GABRG3: variants seen among roughly 807,000 people sequenced by gnomAD.
GABRG3 encodes the protein gamma-aminobutyric acid type A receptor subunit gamma3.
A neutral mutation model predicts 48.8 loss-of-function variants in GABRG3; 25 were observed. That is an observed-to-expected ratio of 0.51 (90% confidence interval 0.37 to 0.72). The LOEUF is 0.72. Ranked by LOEUF, GABRG3 falls within the 30% of genes least tolerant of loss-of-function variation. The pLI, the probability that GABRG3 is intolerant of heterozygous loss-of-function variation, is 0.00. For missense variants in GABRG3, 394 were observed against 577.9 expected (o/e 0.68, Z 3.26); for synonymous variants, 227 against 217.6 (o/e 1.04, Z -0.38).
chr15:27,300,144 CAGTT>C (rs1278627137), intron 3 of GABRG3, among the ~76,000 whole-genome samples: 1 of 152,106 alleles, frequency 6.6e-6, no homozygotes, highest in Middle Eastern at 3.2e-3. Context: ...TGAACCAGAT[CAGTT>C]AGTTGTTGGC....
intron 5 of GABRG3, among the ~76,000 whole-genome samples, chr15:27,465,579 C>T (rs937368842): frequency 6.6e-6 from 1 of 152,150 alleles, no homozygotes; most frequent in African/African-American, 2.4e-5. Context: ...CAGATGATTT[C>T]GTGACCATAG....
intron 3 of GABRG3, among the ~76,000 whole-genome samples, chr15:27,222,016 A>G (rs28655747): frequency 0.17 from 25,183 of 152,112 alleles, 2,714 homozygotes; most frequent in East Asian, 0.41. Context: ...AATCTTTAAT[A>G]TATTCTTTCT....
intron 3 of GABRG3, among the ~76,000 whole-genome samples, chr15:27,079,953 A>G (rs139455577): frequency 1.2e-4 from 18 of 152,284 alleles, no homozygotes; most frequent in Non-Finnish European, 2.5e-4. Context: ...CTCACTCAGT[A>G]TGCAGAGGTG....
Position 27,374,640 on chromosome 15 carries a change from G to A in GABRG3, c.574+45752G>A, listed in dbSNP as rs142076076. Among the ~76,000 whole-genome samples, 819 of 152,264 alleles carry A rather than the reference G, an allele frequency of 5.4e-3. 8 individuals are homozygous for A. Among genetic ancestry groups the A allele is most frequent in the African/African-American group, 0.019 (769 of 41,530 alleles). On this transcript the variant is annotated intron_variant, in intron 5 of 9. Coordinates refer to ENST00000615808, the MANE Select transcript of GABRG3 (RefSeq NM_033223.5). The stretch of plus-strand genomic sequence containing the variant: ...CCGAGTCTGACTAGTGTATCTGGGA[G>A]GTGACCAAGGAAGCAAAGGTAGACA...
intron 3 of GABRG3, among the ~76,000 whole-genome samples, chr15:27,239,865 G>C (rs1890083345): frequency 6.6e-6 from 1 of 152,178 alleles, no homozygotes; most frequent in African/African-American, 2.4e-5. Flanking sequence ...TTTCACAGCA[G>C]TTATCTAAGA....
chr15:27,326,355 C>G (rs1289103263), intron 3 of GABRG3, among the ~76,000 whole-genome samples: 1 of 152,212 alleles, frequency 6.6e-6, no homozygotes, highest in African/African-American at 2.4e-5. Flanking sequence ...ATCACTTACT[C>G]TCTGCCAGGC....
chr15:27,453,881 C>T (rs898487927), intron 5 of GABRG3, among the ~76,000 whole-genome samples: 1 of 152,242 alleles, frequency 6.6e-6, no homozygotes, highest in African/African-American at 2.4e-5. Context: ...GTATCACAGG[C>T]ATGAGCCACC....
rs566988650 is a variant in GABRG3 at position 27,180,385 on chromosome 15, T to C, written c.271-146424T>C. Among the ~76,000 whole-genome samples, 2 of 152,288 alleles carry C rather than the reference T, an allele frequency of 1.3e-5. No homozygotes were observed. The highest frequency in any genetic ancestry group is 4.1e-4 in the South Asian group (2 of 4,832). ...AGAATTCTTCAGGTTATGACTGCCA[T>C]GTGCTTTGAGGCAGTGCATTTGCAT... On this transcript the variant is annotated intron_variant, in intron 3 of 9. Transcript: ENST00000615808. This position sits in a 1 kb window ranked among gnomAD's most constrained non-coding sequence, Gnocchi z 4.2.
chr15:27,283,355 G>A (rs1172892926), intron 3 of GABRG3, among the ~76,000 whole-genome samples: 1 of 152,186 alleles, frequency 6.6e-6, no homozygotes, highest in Admixed American at 6.5e-5. Context: ...TGTAATCCCA[G>A]CACTTTGGGA....
chr15:27,257,814 A>T (rs1346745912), intron 3 of GABRG3, among the ~76,000 whole-genome samples: 16 of 142,876 alleles, frequency 1.1e-4, no homozygotes, highest in African/African-American at 3.5e-4. Flanking sequence ...ACACGTGGCT[A>T]TTTTTTTTTT....
chr15:27,256,760 A>T (rs1393558703), intron 3 of GABRG3, among the ~76,000 whole-genome samples: 1 of 152,194 alleles, frequency 6.6e-6, no homozygotes, highest in Non-Finnish European at 1.5e-5. Flanking sequence ...ATGCACAGGA[A>T]TGGGTAAAGA....
At chr15:27,339,684 T>C (rs1360958059) in intron 5 of GABRG3, among the ~76,000 whole-genome samples, 1 of 152,192 alleles carries the variant, frequency 6.6e-6, no homozygotes, top group Non-Finnish European at 1.5e-5. Context: ...GGCAAACCAC[T>C]GTACAGGTAC....
At chr15:27,325,802 C>G (rs1893593893) in intron 3 of GABRG3, among the ~76,000 whole-genome samples, 1 of 152,102 alleles carries the variant, frequency 6.6e-6, no homozygotes, top group Non-Finnish European at 1.5e-5. Flanking sequence ...ATTGAATTAC[C>G]TATCACAGAA....
chr15:27,101,662 G>C (rs1897359439), intron 3 of GABRG3, among the ~76,000 whole-genome samples: 2 of 151,990 alleles, frequency 1.3e-5, no homozygotes, highest in African/African-American at 4.8e-5. Context: ...AAAAGTGCAA[G>C]AGCAATTCAA....
chr15:27,248,050 T>C (rs1890322642), intron 3 of GABRG3, among the ~76,000 whole-genome samples: 1 of 152,170 alleles, frequency 6.6e-6, no homozygotes, highest in African/African-American at 2.4e-5. Flanking sequence ...CCACTGTCAC[T>C]GTCTGTGTTT....
chr15:27,072,994 C>CAACA (rs773250884), intron 3 of GABRG3, among the ~76,000 whole-genome samples: 9 of 152,184 alleles, frequency 5.9e-5, no homozygotes, highest in Non-Finnish European at 1.0e-4. Flanking sequence ...ACCAAACTAG[C>CAACA]AACAAACAAA....
rs189555952 is a variant in GABRG3, at chr15:27,393,705, G to A, written c.574+64817G>A. Reference sequence around the variant, plus strand: ...AGTGGTTTCAGATAGTACCAGTGAAGCTGCAATTCATTCTTGACTATATCT... The same window carrying A: ...AGTGGTTTCAGATAGTACCAGTGAAACTGCAATTCATTCTTGACTATATCT... On this transcript the variant is annotated intron_variant, in intron 5 of 9. Coordinates refer to ENST00000615808, the MANE Select transcript of GABRG3 (RefSeq NM_033223.5). 1.5e-3 allele frequency among the ~76,000 whole-genome samples: 232 copies of A among 152,228 alleles called. 1 individual carries two copies. The highest frequency in any genetic ancestry group is 2.5e-3 in the South Asian group (12 of 4,830).
chr15:27,217,404 T>C (rs187568606), intron 3 of GABRG3, among the ~76,000 whole-genome samples: 1 of 152,302 alleles, frequency 6.6e-6, no homozygotes, highest in Admixed American at 6.5e-5. Context: ...ATGTCTCTTC[T>C]GTTTCTTTTC....
intron 5 of GABRG3, among the ~76,000 whole-genome samples, chr15:27,476,611 T>A (rs1308874101): frequency 6.6e-6 from 1 of 151,888 alleles, no homozygotes; most frequent in East Asian, 1.9e-4. Context: ...CATAGACCAA[T>A]GGAGATTATC....
Sources: allele counts gnomAD v4.1 joint callset (sites outside exome capture counted in the v4.1 genomes callset), GRCh38; gene constraint gnomAD v4.1.1; non-coding constraint Gnocchi (gnomAD v3.1); transcripts MANE v1.5; gene names NCBI Gene and HGNC (gene_info 2026-07-23, HGNC 2026-07-21).